KCNT2: variants seen among roughly 807,000 people sequenced by gnomAD.
KCNT2 encodes potassium sodium-activated channel subfamily T member 2.
A neutral mutation model predicts 153.8 loss-of-function variants in KCNT2; 67 were observed. That is an observed-to-expected ratio of 0.44 (90% CI 0.36 to 0.53). The LOEUF (loss-of-function observed/expected upper bound fraction) is 0.53, where lower values mean the gene tolerates loss of function less well. Among genes scored for constraint, KCNT2 ranks in the 20% least tolerant of loss-of-function variants. KCNT2 has a pLI of 0.00. For missense variants in KCNT2, 975 were observed against 1,354.8 expected (o/e 0.72, Z 4.40); for synonymous variants, 500 against 458.8 (o/e 1.09, Z -1.15).
At chr1:196,486,323 A>T (rs1290322958) in intron 3 of KCNT2, among the ~76,000 whole-genome samples, 8 of 151,948 alleles carry the variant, frequency 5.3e-5, no homozygotes, top group East Asian at 3.8e-4. Context: ...AAAATTAAAT[A>T]AAAAAATGCA....
At chr1:196,516,230 C>T (rs1160970412) in intron 1 of KCNT2, among the ~76,000 whole-genome samples, 2 of 152,164 alleles carry the variant, frequency 1.3e-5, no homozygotes, top group Non-Finnish European at 2.9e-5. Context: ...ATGGAGCTCC[C>T]AGAGGGAGGG....
At chr1:196,543,105 A>G (rs1221989876) in intron 1 of KCNT2, among the ~76,000 whole-genome samples, 3 of 152,170 alleles carry the variant, frequency 2.0e-5, no homozygotes, top group Non-Finnish European at 4.4e-5. Flanking sequence ...TTAATTTAAA[A>G]TATAGTTGTG....
chr1:196,376,161 T>C (rs542196071), intron 13 of KCNT2, among the ~76,000 whole-genome samples: 94 of 151,900 alleles, frequency 6.2e-4, no homozygotes, highest in Admixed American at 1.5e-3. Context: ...TTATGGATTA[T>C]ACAATCAAAT....
intron 13 of KCNT2, among the ~76,000 whole-genome samples, chr1:196,397,282 T>G (rs1671021709): frequency 6.6e-6 from 1 of 151,534 alleles, no homozygotes; most frequent in Non-Finnish European, 1.5e-5. Flanking sequence ...AATATTTCTT[T>G]TCTTAAATAA....
chr1:196,227,459 T>C lies in KCNT2; in HGVS notation c.*765A>G, dbSNP rs1409542932. 2 of 152,116 alleles carry C rather than the reference T, an allele frequency of 1.3e-5. No homozygotes were observed. Among genetic ancestry groups the C allele is most frequent in the South Asian group, 2.1e-4 (1 of 4,834 alleles). 9.4% of individuals were successfully genotyped at this position (152,116 alleles called of 1,614,324 possible). ...ACAAATGTGTATTAAGTATTTTCTC[T>C]ATGCTAGGCATTCGTTTAGGAGAAT... On this transcript the variant is annotated 3_prime_UTR_variant, in exon 28 of 28. Transcript: ENST00000294725.
chr1:196,315,171 C>T (rs1028671596), intron 21 of KCNT2, among the ~76,000 whole-genome samples: 9 of 151,598 alleles, frequency 5.9e-5, no homozygotes, highest in African/African-American at 9.7e-5. Flanking sequence ...TGGTAGCTCA[C>T]GTATTTTCTT....
intron 1 of KCNT2, among the ~76,000 whole-genome samples, chr1:196,598,343 A>G (rs1247225847): frequency 2.0e-5 from 3 of 152,130 alleles, no homozygotes; most frequent in Admixed American, 6.5e-5. Flanking sequence ...CAATCAATCA[A>G]TAATAATCTA....
intron 13 of KCNT2, among the ~76,000 whole-genome samples, chr1:196,385,853 A>T (rs1343307338): frequency 6.6e-6 from 1 of 151,856 alleles, no homozygotes; most frequent in Non-Finnish European, 1.5e-5. Flanking sequence ...TGTGGTAGCC[A>T]GCCTCCAGGA....
At chr1:196,404,455 C>T (rs896492920) in intron 12 of KCNT2, among the ~76,000 whole-genome samples, 5 of 150,996 alleles carry the variant, frequency 3.3e-5, no homozygotes, top group South Asian at 2.1e-4. Flanking sequence ...CTTTATTAAA[C>T]GTTTCCCAAA....
At chr1:196,548,498 G>A (rs983764571) in intron 1 of KCNT2, among the ~76,000 whole-genome samples, 1 of 151,960 alleles carries the variant, frequency 6.6e-6, no homozygotes, top group Non-Finnish European at 1.5e-5. Context: ...TAAAAAGTCA[G>A]GAAACAACAG....
At chr1:196,579,860 A>G (rs562047726) in intron 1 of KCNT2, among the ~76,000 whole-genome samples, 10 of 152,280 alleles carry the variant, frequency 6.6e-5, no homozygotes, top group South Asian at 4.2e-4. Flanking sequence ...GTGGTGATAC[A>G]GCTTTCATTG....
chr1:196,520,676 T>C (rs1653251910), intron 1 of KCNT2, among the ~76,000 whole-genome samples: 1 of 152,060 alleles, frequency 6.6e-6, no homozygotes, highest in Non-Finnish European at 1.5e-5. Flanking sequence ...TTGACAAAGC[T>C]GACAAAAGCA....
At chr1:196,311,310 T>C (rs1012724862) in intron 21 of KCNT2, among the ~76,000 whole-genome samples, 3 of 151,786 alleles carry the variant, frequency 2.0e-5, no homozygotes, top group African/African-American at 7.2e-5. Context: ...ATCCTGACAC[T>C]TACTAGATGC....
chr1:196,579,718 C>A (rs1661795662), intron 1 of KCNT2, among the ~76,000 whole-genome samples: 1 of 151,964 alleles, frequency 6.6e-6, no homozygotes, highest in African/African-American at 2.4e-5. Flanking sequence ...GTCTGGAACT[C>A]CTGACCTCAT....
At chr1:196,512,748 C>T (rs569288523) in intron 1 of KCNT2, among the ~76,000 whole-genome samples, 1 of 152,102 alleles carries the variant, frequency 6.6e-6, no homozygotes, top group East Asian at 1.9e-4. Flanking sequence ...CAAATCAAAA[C>T]AAAACTTTAA....
intron 26 of KCNT2, among the ~76,000 whole-genome samples, chr1:196,237,259 TTAA>T (rs1654527861): frequency 6.6e-6 from 1 of 151,754 alleles, no homozygotes; most frequent in South Asian, 2.1e-4. Flanking sequence ...ACCTGTCACT[TTAA>T]TATGAAAGAC....
At chr1:196,592,461 A>G (rs1432305168) in intron 1 of KCNT2, among the ~76,000 whole-genome samples, 1 of 148,092 alleles carries the variant, frequency 6.8e-6, no homozygotes, top group African/African-American at 2.5e-5. Context: ...ATATTTATAT[A>G]TTTATATTTA....
intron 25 of KCNT2, among the ~76,000 whole-genome samples, chr1:196,266,673 T>C (rs1289346095): frequency 1.3e-5 from 2 of 152,162 alleles, no homozygotes; most frequent in Non-Finnish European, 2.9e-5. Flanking sequence ...GAAGGGGTAA[T>C]AGTCACCACT....
At chr1:196,255,117 A>G (rs1349422125) in intron 26 of KCNT2, among the ~76,000 whole-genome samples, 1 of 151,684 alleles carries the variant, frequency 6.6e-6, no homozygotes, top group Admixed American at 6.6e-5. Flanking sequence ...ACAAAGAGCA[A>G]TGTTCGTGAG....
Sources: allele counts gnomAD v4.1 joint callset (sites outside exome capture counted in the v4.1 genomes callset), GRCh38; gene constraint gnomAD v4.1.1; transcripts MANE v1.5; gene names NCBI Gene and HGNC (gene_info 2026-07-23, HGNC 2026-07-21).